The following ITFG1 variants were observed in gnomAD, a reference collection of about 807,000 sequenced individuals.
ITFG1 encodes the protein T-cell immunomodulatory protein.
ITFG1 carries 34 observed loss-of-function variants against 81.8 expected under a neutral mutation model. The ratio of observed to expected loss-of-function variants is 0.42; its 90% CI spans 0.32 to 0.55. The LOEUF is 0.55. Ranked by LOEUF, ITFG1 falls within the 20% of genes least tolerant of loss-of-function variation. The probability of loss-of-function intolerance (pLI) is 0.17; values close to 1 mark genes in which losing one functional copy is unlikely to be tolerated. For missense variants in ITFG1, 672 were observed against 755.4 expected, an observed-to-expected ratio of 0.89 and a Z score of 1.29; for synonymous variants, 285 against 270.6, an observed-to-expected ratio of 1.05 and a Z score of -0.52.
intron 6 of ITFG1, among the ~76,000 whole-genome samples, chr16:47,383,951 A>C (rs1478957965): frequency 6.6e-6 from 1 of 152,234 alleles, no homozygotes; most frequent in Non-Finnish European, 1.5e-5. Context: ...ATGTTAAAGG[A>C]CTTCCCAAAA....
intron 10 of ITFG1, among the ~76,000 whole-genome samples, chr16:47,261,019 G>A (rs1234289965): frequency 4.6e-5 from 7 of 152,104 alleles, no homozygotes; most frequent in African/African-American, 4.8e-5. Context: ...GTCATTATCT[G>A]TTTAGATGTG....
At chr16:47,304,073 T>C (rs976731172) in intron 10 of ITFG1, among the ~76,000 whole-genome samples, 2 of 152,192 alleles carry the variant, frequency 1.3e-5, no homozygotes, top group Non-Finnish European at 2.9e-5. Context: ...TTCTGAAACA[T>C]AAATAAACAA....
chr16:47,177,263 C>A (rs1192425749), intron 14 of ITFG1, among the ~76,000 whole-genome samples: 1 of 152,172 alleles, frequency 6.6e-6, no homozygotes, highest in African/African-American at 2.4e-5. Flanking sequence ...AGCCACATCA[C>A]CAGGCTGATA....
intron 12 of ITFG1, among the ~76,000 whole-genome samples, chr16:47,247,290 A>G (rs560617442): frequency 6.6e-6 from 1 of 152,232 alleles, no homozygotes. Context: ...TATGGTTTCA[A>G]TCACAGTTTA....
intron 12 of ITFG1, among the ~76,000 whole-genome samples, chr16:47,244,255 A>C (rs1033879729): frequency 1.3e-5 from 2 of 152,176 alleles, no homozygotes; most frequent in African/African-American, 4.8e-5. Context: ...GCTCTAGCAA[A>C]TCAAACCCGA....
rs7205108 is a variant in ITFG1 at position 47,388,193 on chromosome 16, G to A, written c.656-12253C>T. 2.5e-3 allele frequency among the ~76,000 whole-genome samples: 386 copies of A among 152,156 alleles called. 3 individuals carry two copies. Among genetic ancestry groups the A allele is most frequent in the African/African-American group, 8.9e-3 (370 of 41,534 alleles). Reference sequence around the variant, plus strand: ...AGGAAAAAATGAAAAGAATCTCAAAGAAATGTGGGGCACAATTAAGTACAC... The same window carrying A: ...AGGAAAAAATGAAAAGAATCTCAAAAAAATGTGGGGCACAATTAAGTACAC... On this transcript the variant is annotated intron_variant, in intron 6 of 17. Transcript: ENST00000320640.
At chr16:47,157,791 G>A (rs1454701413) in intron 17 of ITFG1, among the ~76,000 whole-genome samples, 1 of 152,076 alleles carries the variant, frequency 6.6e-6, no homozygotes, top group Non-Finnish European at 1.5e-5. Flanking sequence ...GGTAATTCTA[G>A]CAAAAAATGA....
At chr16:47,315,654 G>T (rs879940012) in intron 8 of ITFG1, among the ~76,000 whole-genome samples, 2 of 151,760 alleles carry the variant, frequency 1.3e-5, no homozygotes, top group African/African-American at 4.9e-5. Context: ...TATCTAACTC[G>T]TGGAAACAGC....
At chr16:47,259,937 ATTTTTTT>A (rs561470789) in intron 11 of ITFG1, among the ~76,000 whole-genome samples, 4 of 140,222 alleles carry the variant, frequency 2.9e-5, no homozygotes, top group Middle Eastern at 3.7e-3. Context: ...TTGGCTGTAA[ATTTTTTT>A]TTTTTTTTTT....
At chr16:47,339,664 C>T (rs1029906679) in intron 8 of ITFG1, among the ~76,000 whole-genome samples, 5 of 151,918 alleles carry the variant, frequency 3.3e-5, no homozygotes, top group Admixed American at 6.6e-5. Flanking sequence ...CAAATGACAT[C>T]AAGTGTGAGG....
rs552250736 is a variant in ITFG1 at position 47,333,253 on chromosome 16, G to A, written c.803-19430C>T. 1.5e-4 allele frequency among the ~76,000 whole-genome samples: 23 copies of A among 152,184 alleles called. No individual in the cohort carries two copies. The East Asian group carries it at 3.9e-3, about 26-fold the overall frequency. On this transcript the variant is annotated intron_variant, in intron 8 of 17. Transcript: ENST00000320640. ...GTATTATCTTTAATTTACAGATGAGGACATTGATGCTTGGTAATATTAATC... is the reference window on the plus strand; with the variant it reads ...GTATTATCTTTAATTTACAGATGAGAACATTGATGCTTGGTAATATTAATC...
chr16:47,448,134 T>G (rs959348176), intron 5 of ITFG1: 2 of 152,182 alleles, frequency 1.3e-5, no homozygotes, highest in Non-Finnish European at 2.9e-5. Flanking sequence ...GTTATAAACC[T>G]CATCATAATT....
At chr16:47,274,067 A>T (rs1966372028) in intron 10 of ITFG1, among the ~76,000 whole-genome samples, 1 of 152,096 alleles carries the variant, frequency 6.6e-6, no homozygotes, top group Admixed American at 6.5e-5. Flanking sequence ...CACTAGCTTG[A>T]CCAACATGGT....
At chr16:47,240,170 G>A (rs1259440282) in intron 12 of ITFG1, among the ~76,000 whole-genome samples, 2 of 150,904 alleles carry the variant, frequency 1.3e-5, no homozygotes, top group South Asian at 2.1e-4. Flanking sequence ...GGTGACACAC[G>A]TCTGTGGTCT....
intron 14 of ITFG1, among the ~76,000 whole-genome samples, chr16:47,210,594 A>G (rs1965550637): frequency 6.6e-6 from 1 of 152,198 alleles, no homozygotes; most frequent in South Asian, 2.1e-4. Context: ...ACTCTTTGCC[A>G]AGCCTTAAAT....
At chr16:47,178,777 G>T in intron 14 of ITFG1, among the ~76,000 whole-genome samples, 1 of 152,134 alleles carries the variant, frequency 6.6e-6, no homozygotes. Flanking sequence ...ACTACCATCA[G>T]AGTGAACAGG....
intron 8 of ITFG1, among the ~76,000 whole-genome samples, chr16:47,320,406 GT>G (rs1967431029): frequency 6.6e-6 from 1 of 152,064 alleles, no homozygotes; most frequent in Non-Finnish European, 1.5e-5. Context: ...CCCACACCCT[GT>G]TTTGTTCTAG....
At chr16:47,301,004 T>C (rs1369172033) in intron 10 of ITFG1, among the ~76,000 whole-genome samples, 1 of 152,242 alleles carries the variant, frequency 6.6e-6, no homozygotes, top group African/African-American at 2.4e-5. Context: ...GTAGACTATA[T>C]GATTTTATAT....
chr16:47,199,562 C>T (rs1340133461), intron 14 of ITFG1, among the ~76,000 whole-genome samples: 2 of 152,210 alleles, frequency 1.3e-5, no homozygotes, highest in African/African-American at 2.4e-5. Flanking sequence ...AGTACAGTAA[C>T]ATGCTGTACA....
Sources: gnomAD v4.1 joint callset for allele counts (sites outside exome capture counted in the v4.1 genomes callset) on GRCh38, gnomAD v4.1.1 for gene constraint, MANE v1.5 for transcripts, NCBI Gene and HGNC (gene_info 2026-07-23, HGNC 2026-07-21) for gene names.